Variants in KCNMA1 observed in about 807,000 individuals in gnomAD.
KCNMA1 encodes the protein Calcium-activated potassium channel subunit alpha-1.
A neutral mutation model predicts 140.0 loss-of-function variants in KCNMA1; 29 were observed. That is an observed-to-expected ratio of 0.21 (90% CI 0.15 to 0.28). The LOEUF is 0.28. KCNMA1 is among the 10% of genes least tolerant of loss of function. KCNMA1 has a pLI of 1.00. For synonymous variants in KCNMA1, 612 were observed against 611.9 expected (o/e 1.00, Z 0.00); for missense variants, 880 against 1,602.2 (o/e 0.55, Z 7.70).
chr10:77,415,382 A>T (rs1020029037), intron 1 of KCNMA1, among the ~76,000 whole-genome samples: 1 of 152,186 alleles, frequency 6.6e-6, no homozygotes, highest in Admixed American at 6.5e-5. Flanking sequence ...AGCCAGGATG[A>T]CCCTGGCAGG....
chr10:77,077,930 C>A (rs2096448516), intron 13 of KCNMA1: 1 of 152,212 alleles, frequency 6.6e-6, no homozygotes, highest in Non-Finnish European at 1.5e-5. Flanking sequence ...GGCTGGAGAA[C>A]AACACGTTCT....
At chr10:77,375,938 C>G (rs373195500) in intron 2 of KCNMA1, among the ~76,000 whole-genome samples, 5 of 152,216 alleles carry the variant, frequency 3.3e-5, no homozygotes, top group African/African-American at 1.2e-4. Context: ...CTGCTGCCTT[C>G]CCCTCCTCCC....
chr10:77,297,057 T>C (rs2075351615), intron 2 of KCNMA1, among the ~76,000 whole-genome samples: 1 of 152,062 alleles, frequency 6.6e-6, no homozygotes, highest in Non-Finnish European at 1.5e-5. Flanking sequence ...ACTTGCCTCA[T>C]TGCTCCAGAA....
At chr10:77,244,056 C>T (rs1480795328) in intron 3 of KCNMA1, among the ~76,000 whole-genome samples, 1 of 152,182 alleles carries the variant, frequency 6.6e-6, no homozygotes, top group African/African-American at 2.4e-5. Flanking sequence ...CATAAAAAGA[C>T]AATATATACT....
At chr10:77,119,520 T>C (rs750556896) in intron 6 of KCNMA1, among the ~76,000 whole-genome samples, 2 of 152,258 alleles carry the variant, frequency 1.3e-5, no homozygotes, top group Non-Finnish European at 2.9e-5. Flanking sequence ...AAACACAGTC[T>C]AGTGGAGTGA....
intron 2 of KCNMA1, among the ~76,000 whole-genome samples, chr10:77,383,415 T>G (rs1362699973): frequency 1.4e-5 from 2 of 139,804 alleles, no homozygotes; most frequent in African/African-American, 3.0e-5. Context: ...CCTCGAGATT[T>G]TTTTTTTTTT....
intron 5 of KCNMA1, among the ~76,000 whole-genome samples, chr10:77,168,921 T>C (rs1007725447): frequency 1.3e-5 from 2 of 152,230 alleles, no homozygotes; most frequent in Admixed American, 6.5e-5. Context: ...CTTCTTCATG[T>C]CATTGCCATA....
At chr10:77,011,193 T>C (rs539451763) in intron 18 of KCNMA1, among the ~76,000 whole-genome samples, 1 of 152,294 alleles carries the variant, frequency 6.6e-6, no homozygotes, top group Admixed American at 6.5e-5. Flanking sequence ...CAATACAGCA[T>C]AATTACTGCA....
intron 5 of KCNMA1, among the ~76,000 whole-genome samples, chr10:77,123,807 G>A (rs1010040006): frequency 3.9e-5 from 6 of 152,080 alleles, no homozygotes; most frequent in Non-Finnish European, 8.8e-5. Context: ...CTATACTTGC[G>A]CTTTGGGGCC....
intron 1 of KCNMA1, among the ~76,000 whole-genome samples, chr10:77,478,240 C>G (rs2098317821): frequency 6.6e-6 from 1 of 152,216 alleles, no homozygotes; most frequent in African/African-American, 2.4e-5. Flanking sequence ...GCTCTGCTCA[C>G]ACTTTTATAA....
chr10:77,601,895 G>C (rs1010352899), intron 1 of KCNMA1, among the ~76,000 whole-genome samples: 1 of 152,194 alleles, frequency 6.6e-6, no homozygotes, highest in Non-Finnish European at 1.5e-5. Context: ...ATCAGATCCA[G>C]GCAGTACAGA....
At chr10:77,486,294 G>A (rs1268510) in intron 1 of KCNMA1, among the ~76,000 whole-genome samples, 15,853 of 151,992 alleles carry the variant, frequency 0.1, 1,118 homozygotes, top group African/African-American at 0.17. Context: ...GAGCAGGACC[G>A]CAGAGAATGA....
intron 1 of KCNMA1, among the ~76,000 whole-genome samples, chr10:77,430,177 AG>A (rs747723199): frequency 6.6e-6 from 1 of 152,212 alleles, no homozygotes; most frequent in Non-Finnish European, 1.5e-5. Context: ...CTATCTCCCC[AG>A]GTAGCCTCTC....
At chr10:76,987,944 T>C (rs1016249888) in intron 19 of KCNMA1, among the ~76,000 whole-genome samples, 5 of 152,080 alleles carry the variant, frequency 3.3e-5, no homozygotes, top group Non-Finnish European at 7.4e-5. Flanking sequence ...TTGGTGGTGG[T>C]TTGGTGGCAA....
intron 25 of KCNMA1, among the ~76,000 whole-genome samples, chr10:76,895,633 C>A (rs1427212055): frequency 6.6e-6 from 1 of 152,122 alleles, no homozygotes; most frequent in Non-Finnish European, 1.5e-5. Flanking sequence ...ATGATACATG[C>A]TACAACATGG....
intron 13 of KCNMA1, among the ~76,000 whole-genome samples, chr10:77,078,450 C>T (rs960597131): frequency 6.6e-6 from 1 of 152,244 alleles, no homozygotes; most frequent in Non-Finnish European, 1.5e-5. Flanking sequence ...AGCATAGACT[C>T]TGACTTTTGT....
chr10:77,399,557 G>A (rs2096191770), intron 2 of KCNMA1, among the ~76,000 whole-genome samples: 1 of 152,122 alleles, frequency 6.6e-6, no homozygotes, highest in Non-Finnish European at 1.5e-5. Flanking sequence ...TGCTGTTTTT[G>A]GCCAGTTGAG....
chr10:77,352,456 A>G (rs2092995749), intron 2 of KCNMA1, among the ~76,000 whole-genome samples: 1 of 152,352 alleles, frequency 6.6e-6, no homozygotes. Context: ...GTGCTGCCCA[A>G]TATGGTAGCC....
At chr10:77,574,263 T>C (rs1433767346) in intron 1 of KCNMA1, among the ~76,000 whole-genome samples, 1 of 148,924 alleles carries the variant, frequency 6.7e-6, no homozygotes, top group Non-Finnish European at 1.5e-5. Flanking sequence ...TGCGTGTGTA[T>C]ATATATATAT....
Sources: gnomAD v4.1 joint callset for allele counts (sites outside exome capture counted in the v4.1 genomes callset) on GRCh38, gnomAD v4.1.1 for gene constraint, MANE v1.5 for transcripts, NCBI Gene and HGNC (gene_info 2026-07-23, HGNC 2026-07-21) for gene names.